Variants in SEMA5A observed in about 807,000 individuals in gnomAD.
SEMA5A encodes semaphorin 5A.
A neutral mutation model predicts 135.5 loss-of-function variants in SEMA5A; 55 were observed. That is an observed-to-expected ratio of 0.41 (90% CI 0.33 to 0.51). The LOEUF (loss-of-function observed/expected upper bound fraction) is 0.51. SEMA5A is among the 20% of genes least tolerant of loss of function. The pLI is 0.37. For synonymous variants in SEMA5A, 580 were observed against 546.5 expected, an observed-to-expected ratio of 1.06 and a Z score of -0.85; for missense variants, 1,290 against 1,419.9, an observed-to-expected ratio of 0.91 and a Z score of 1.47.
chr5:9,458,197 G>A (rs902955085), intron 1 of SEMA5A, among the ~76,000 whole-genome samples: 6 of 151,158 alleles, frequency 4.0e-5, no homozygotes, highest in African/African-American at 7.3e-5. Context: ...GTGAGCCACC[G>A]CGCCTGGCCC....
At chr5:9,524,600 A>G (rs1452031010) in intron 1 of SEMA5A, among the ~76,000 whole-genome samples, 1 of 152,206 alleles carries the variant, frequency 6.6e-6, no homozygotes, top group Admixed American at 6.5e-5. Flanking sequence ...CAGAACTTCA[A>G]GAGAATAACT....
intron 2 of SEMA5A, among the ~76,000 whole-genome samples, chr5:9,420,299 T>C (rs1406020021): frequency 2.0e-5 from 3 of 152,118 alleles, no homozygotes; most frequent in South Asian, 4.1e-4. Context: ...AAGTTAGGCA[T>C]TTACCATTAT....
chr5:9,154,093 A>ATATATGTGTGTGTG (rs372321939), intron 12 of SEMA5A, among the ~76,000 whole-genome samples: 56 of 73,474 alleles, frequency 7.6e-4, no homozygotes, highest in African/African-American at 2.8e-3. Flanking sequence ...ATATATATAT[A>ATATATGTGTGTGTG]TGTGTGTGTG....
chr5:9,294,493 T>C (rs1198924126), intron 5 of SEMA5A, among the ~76,000 whole-genome samples: 2 of 152,216 alleles, frequency 1.3e-5, no homozygotes, highest in African/African-American at 4.8e-5. Context: ...AATATGGATG[T>C]CATGCCTCTT....
In SEMA5A at chr5:9,108,133, T is replaced by C; in HGVS notation, c.2073+7A>G. The C allele has an allele frequency of 1.9e-6, 3 of 1,613,376 alleles. No homozygotes were observed. In the South Asian group the frequency reaches 3.3e-5, roughly 18 times the overall value. ...TGTGGGCTGGGTGTGAGAAGAAGGC[T>C]ACTCACCACATTGCAGCCTGCACAG... On this transcript the variant is annotated splice_region_variant and intron_variant, in intron 16 of 22. Transcript: ENST00000382496.
chr5:9,047,110 G>T lies in SEMA5A; in HGVS notation c.2894-2526C>A, dbSNP rs561473999. Among the ~76,000 whole-genome samples the T allele has an allele frequency of 3.9e-5, 6 of 152,304 alleles. 1 individual carries two copies. The South Asian group carries it at 1.2e-3, about 32-fold the overall frequency. ...AACTGTAACAATGACGCTATACTTA[G>T]ATAAGCAAGAGCTGATTTCACACAA... On this transcript the variant is annotated intron_variant, in intron 21 of 22. Transcript: ENST00000382496.
At chr5:9,156,355 G>A (rs1742954906) in intron 11 of SEMA5A, among the ~76,000 whole-genome samples, 1 of 152,176 alleles carries the variant, frequency 6.6e-6, no homozygotes, top group African/African-American at 2.4e-5. Flanking sequence ...GGAACTAACA[G>A]GGACAAGATG....
At chr5:9,104,701 CA>C (rs991709020) in intron 16 of SEMA5A, among the ~76,000 whole-genome samples, 6 of 152,298 alleles carry the variant, frequency 3.9e-5, no homozygotes, top group African/African-American at 1.4e-4. Flanking sequence ...CACAGTGACT[CA>C]GAGGCAGAGC....
At chr5:9,270,920 A>G (rs1453063223) in intron 5 of SEMA5A, among the ~76,000 whole-genome samples, 2 of 152,100 alleles carry the variant, frequency 1.3e-5, no homozygotes, top group African/African-American at 4.8e-5. Context: ...TTGCTTGCTA[A>G]AAATAGGTTT....
intron 8 of SEMA5A, among the ~76,000 whole-genome samples, chr5:9,208,244 G>A (rs1159972742): frequency 6.6e-6 from 1 of 150,462 alleles, no homozygotes; most frequent in Non-Finnish European, 1.5e-5. Flanking sequence ...ATAACTCATT[G>A]AGTATGCATT....
chr5:9,243,964 T>C (rs1234637475), intron 5 of SEMA5A, among the ~76,000 whole-genome samples: 2 of 152,216 alleles, frequency 1.3e-5, no homozygotes, highest in Non-Finnish European at 2.9e-5. Flanking sequence ...GCTGTTGGCA[T>C]TCAGTAAATA....
chr5:9,228,600 C>T (rs1747451040), intron 6 of SEMA5A, among the ~76,000 whole-genome samples: 1 of 152,112 alleles, frequency 6.6e-6, no homozygotes, highest in Non-Finnish European at 1.5e-5. Flanking sequence ...AACCAATGTG[C>T]AGGATAAGCT....
At chr5:9,216,042 A>G (rs1304563559) in intron 8 of SEMA5A, among the ~76,000 whole-genome samples, 1 of 151,978 alleles carries the variant, frequency 6.6e-6, no homozygotes, top group African/African-American at 2.4e-5. Context: ...TTTGGGGTTG[A>G]TTTGTTCCTG....
chr5:9,374,536 G>C (rs1045683983), intron 3 of SEMA5A, among the ~76,000 whole-genome samples: 2 of 152,000 alleles, frequency 1.3e-5, no homozygotes, highest in Non-Finnish European at 2.9e-5. Context: ...ACAAAAAAGC[G>C]TTCACGGGGA....
At chr5:9,276,508 C>T (rs1433806600) in intron 5 of SEMA5A, among the ~76,000 whole-genome samples, 2 of 152,154 alleles carry the variant, frequency 1.3e-5, no homozygotes, top group African/African-American at 4.8e-5. Context: ...CCAAGACAAT[C>T]CTAAGCAAAA....
intron 10 of SEMA5A, among the ~76,000 whole-genome samples, chr5:9,194,972 C>A (rs575313869): frequency 6.6e-6 from 1 of 152,180 alleles, no homozygotes; most frequent in Admixed American, 6.5e-5. Context: ...TACTAAGCCA[C>A]GCTGTTCACA....
intron 16 of SEMA5A, among the ~76,000 whole-genome samples, chr5:9,084,068 A>G (rs1008954005): frequency 6.6e-6 from 1 of 152,248 alleles, no homozygotes; most frequent in Admixed American, 6.5e-5. Flanking sequence ...TAGCCCCTTT[A>G]ATAAAAGTTG....
At chr5:9,139,251 C>T (rs972922957) in intron 12 of SEMA5A, among the ~76,000 whole-genome samples, 2 of 152,276 alleles carry the variant, frequency 1.3e-5, no homozygotes, top group Non-Finnish European at 2.9e-5. Flanking sequence ...ATTAACTTTA[C>T]CCTTTAAAAG....
At chr5:9,113,043 G>A (rs1011586803) in intron 15 of SEMA5A, among the ~76,000 whole-genome samples, 10 of 152,198 alleles carry the variant, frequency 6.6e-5, no homozygotes, top group Admixed American at 5.2e-4. Context: ...GATCTTGGAG[G>A]CAGGTCTTTC....
Sources: allele counts gnomAD v4.1 joint callset (sites outside exome capture counted in the v4.1 genomes callset), GRCh38; gene constraint gnomAD v4.1.1; transcripts MANE v1.5; gene names NCBI Gene and HGNC (gene_info 2026-07-23, HGNC 2026-07-21).